The following PADI4 variants were observed in gnomAD, a reference collection of about 807,000 sequenced individuals.
The protein encoded by PADI4 is protein-arginine deiminase type-4.
PADI4 carries 62 observed loss-of-function variants against 75.0 expected under a neutral mutation model. That is an observed-to-expected ratio of 0.83 (90% CI 0.67 to 1.02). The LOEUF (loss-of-function observed/expected upper bound fraction) is 1.02, where lower values mean the gene tolerates loss of function less well. Ranked by LOEUF, PADI4 falls within the 50% of genes least tolerant of loss-of-function variation. The pLI, the probability that PADI4 is intolerant of heterozygous loss-of-function variation, is 0.00. For synonymous variants in PADI4, 361 were observed against 348.1 expected (o/e 1.04, Z -0.41); for missense variants, 845 against 850.5 (o/e 0.99, Z 0.08).
chr1:17,334,000 A>G lies in PADI4; in HGVS notation c.331A>G (p.Thr111Ala). ...TPPVKALLYL[T>A]GVEISLCADI... ...ACCAGTCAAAGCTCTACTCTACCTC[A>G]CCGGGGTGGGTAAGTGACAACCAGG... Residue 111 changes from threonine to alanine, a missense_variant, in exon 3 of 16, where the codon ACC becomes GCC. Coordinates refer to ENST00000375448, the MANE Select transcript of PADI4 (RefSeq NM_012387.3). 1 of 1,604,166 alleles carries G rather than the reference A, an allele frequency of 6.2e-7. No homozygotes were observed. The highest frequency in any genetic ancestry group is 8.5e-7 in the Non-Finnish European group (1 of 1,171,164).
At chr1:17,336,654 G>C (rs1188920202) in intron 4 of PADI4, among the ~76,000 whole-genome samples, 2 of 152,214 alleles carry the variant, frequency 1.3e-5, no homozygotes, top group Non-Finnish European at 2.9e-5. Context: ...TGGGGAGAGG[G>C]AGGGTGTGTT....
intron 11 of PADI4, 92 bp downstream of exon 11, chr1:17,354,779 CG>C: frequency 8.1e-7 from 1 of 1,237,550 alleles, no homozygotes; most frequent in Non-Finnish European, 1.1e-6. Flanking sequence ...TTCCTGCTTC[CG>C]ATTCTAGACA....
chr1:17,325,544 C>G (rs185309974), intron 1 of PADI4, among the ~76,000 whole-genome samples: 3 of 152,000 alleles, frequency 2.0e-5, no homozygotes, highest in Non-Finnish European at 4.4e-5. Context: ...GTTTAATTCA[C>G]TCTTTTGGAG....
chr1:17,357,329 G>A (rs1357216657), intron 13 of PADI4, among the ~76,000 whole-genome samples: 6 of 151,998 alleles, frequency 3.9e-5, no homozygotes, highest in Non-Finnish European at 7.4e-5. Flanking sequence ...CACCACACCT[G>A]GCTAATGTTT....
At position 17,342,079 on chromosome 1, in the gene PADI4, G is replaced by A. The variant is rs1168052898; in HGVS notation, c.789G>A (p.Gly263=). The change falls in exon 7 of 16, where the codon GGG becomes GGA. Residue 263 remains glycine, a synonymous_variant. Transcript: ENST00000375448. ...ALAFPDTDFP[G]LITLTISLLD... is the part of the protein sequence containing the mutation. ...CTTTCCCGGACACCGACTTCCCGGG[G>A]CTCATTACCCTCACCATCTCCCTGC... The A allele has an allele frequency of 4.3e-6, 7 of 1,613,958 alleles. No homozygotes were observed. The African/African-American group carries it at 8.0e-5, about 18-fold the overall frequency.
Position 17,356,076 on chromosome 1 carries a change from C to A in PADI4, c.1404C>A (p.Ser468=), listed in dbSNP as rs775287558. 13 of 1,614,160 alleles carry A rather than the reference C, an allele frequency of 8.1e-6. No individual in the cohort carries two copies. The highest frequency in any genetic ancestry group is 1.0e-5 in the Non-Finnish European group (12 of 1,179,996). ...APVKLYSDWL[S]VGHVDEFLSF... ...TGAAGCTCTATTCTGACTGGCTGTC[C>A]GTGGGCCACGTGGACGAGTTCCTGA... is the stretch of plus-strand genomic sequence containing the variant. The change falls in exon 12 of 16, where the codon TCC becomes TCA. Residue 468 remains serine (S), a synonymous_variant. Coordinates refer to ENST00000375448, the MANE Select transcript of PADI4 (RefSeq NM_012387.3). The surrounding 1 kb of genome is among the most constrained non-coding windows in gnomAD (Gnocchi z 4.1).
chr1:17,350,399 C>T (rs1368927451), intron 10 of PADI4, among the ~76,000 whole-genome samples: 2 of 131,110 alleles, frequency 1.5e-5, no homozygotes, highest in African/African-American at 2.5e-5. Flanking sequence ...TCTCTGAGCT[C>T]GAGGTCAGCT....
chr1:17,319,530 G>A (rs1208619058), intron 1 of PADI4, among the ~76,000 whole-genome samples: 6 of 152,072 alleles, frequency 3.9e-5, no homozygotes, highest in African/African-American at 1.4e-4. Flanking sequence ...CTTAAAAAAA[G>A]AGAGAGAGAG....
chr1:17,330,928 C>T, intron 1 of PADI4, 41 bp from the exon 2 acceptor site: 2 of 1,405,582 alleles, frequency 1.4e-6, no homozygotes, highest in Non-Finnish European at 1.9e-6. Flanking sequence ...CCCAGCCCCT[C>T]CTCACTGCAT....
Position 17,346,087 on chromosome 1 carries a change from G to A in PADI4, c.995G>A (p.Cys332Tyr). ...ACTACTCTGGCCATGAAAGCCAAGT[G>A]CAAGCTGACCATCTGCCCTGAGGAG... ...SVTTLAMKAK[C>Y]KLTICPEEEN... The change falls in exon 9 of 16, where the codon TGC becomes TAC. Residue 332 changes from cysteine to tyrosine, a missense_variant. By Grantham distance (194) the Cys-to-Tyr change is radical. Transcript: ENST00000375448. This position sits in a 1 kb window ranked among gnomAD's most constrained non-coding sequence, Gnocchi z 4.3. 1 of 1,614,052 alleles carries A rather than the reference G, an allele frequency of 6.2e-7. No homozygotes were observed. Among genetic ancestry groups the A allele is most frequent in the South Asian group, 1.1e-5 (1 of 91,084 alleles).
At chr1:17,337,603 G>A (rs114464870) in intron 4 of PADI4, among the ~76,000 whole-genome samples, 3,269 of 152,168 alleles carry the variant, frequency 0.021, 124 homozygotes, top group African/African-American at 0.075. Context: ...GAAGCAAGAT[G>A]TGTAAACTGC....
chr1:17,342,513 G>A, intron 8 of PADI4, 111 bp downstream of exon 8: 2 of 670,604 alleles, frequency 3.0e-6, no homozygotes, highest in Non-Finnish European at 5.3e-6. Context: ...TGCCCACTGA[G>A]AGCTTGCTGC....
chr1:17,361,171 G>A (rs2074842954), intron 15 of PADI4, among the ~76,000 whole-genome samples: 1 of 152,194 alleles, frequency 6.6e-6, no homozygotes, highest in African/African-American at 2.4e-5. Context: ...GGGCTCCGGG[G>A]TGGTGCCTCA....
In PADI4 at chr1:17,341,960, A is replaced by T; in HGVS notation, c.670A>T (p.Lys224Ter). ...TCTCCTAGGGGGCAAACTGTCCTCC[A>T]AGTGCAGCGTAGTCTTGGGTCCCAA... ...FQATRGKLSSKCSVVLGPKWP... is the reference protein window; with the variant it reads ...FQATRGKLSS The change falls in exon 7 of 16, where the codon AAG (lysine) becomes TAG (stop). Residue 224 changes from lysine (K) to a stop codon, truncating the protein, a stop_gained. Coordinates refer to ENST00000375448, the MANE Select transcript of PADI4 (RefSeq NM_012387.3). LOFTEE classifies it high-confidence loss of function. 1.2e-6 allele frequency: 2 copies of T among 1,613,848 alleles called. No individual in the cohort carries two copies. The highest frequency in any genetic ancestry group is 8.5e-7 in the Non-Finnish European group (1 of 1,179,832).
At chr1:17,321,916 G>C (rs2074037201) in intron 1 of PADI4, among the ~76,000 whole-genome samples, 1 of 152,208 alleles carries the variant, frequency 6.6e-6, no homozygotes, top group Non-Finnish European at 1.5e-5. Flanking sequence ...TTTTTTTAAT[G>C]TGTGGGTGGA....
chr1:17,319,499 G>T (rs891543412), intron 1 of PADI4, among the ~76,000 whole-genome samples: 1 of 152,172 alleles, frequency 6.6e-6, no homozygotes, highest in Non-Finnish European at 1.5e-5. Flanking sequence ...AGCCTGGGAG[G>T]TTGAGTTGCA....
intron 9 of PADI4, among the ~76,000 whole-genome samples, chr1:17,347,344 T>C (rs553243843): frequency 6.6e-6 from 1 of 152,202 alleles, no homozygotes; most frequent in Non-Finnish European, 1.5e-5. Flanking sequence ...AATAGTAACT[T>C]ATAGTAGTGA....
intron 1 of PADI4, among the ~76,000 whole-genome samples, chr1:17,322,093 A>G (rs146999236): frequency 6.6e-6 from 1 of 152,386 alleles, no homozygotes; most frequent in Non-Finnish European, 1.5e-5. Flanking sequence ...GGAAGCAATT[A>G]CATATGCATT....
At chr1:17,325,799 C>G (rs4920595) in intron 1 of PADI4, among the ~76,000 whole-genome samples, 50,732 of 151,664 alleles carry the variant, frequency 0.33, 9,455 homozygotes, top group East Asian at 0.59. Flanking sequence ...ACCTCTGCCT[C>G]CCAGGTTCAA....
Sources: allele counts gnomAD v4.1 joint callset (sites outside exome capture counted in the v4.1 genomes callset), GRCh38; gene constraint gnomAD v4.1.1; non-coding constraint Gnocchi (gnomAD v3.1); transcripts MANE v1.5; gene names NCBI Gene and HGNC (gene_info 2026-07-23, HGNC 2026-07-21).